Variants in USP47 observed in about 807,000 individuals in gnomAD.
USP47 encodes ubiquitin carboxyl-terminal hydrolase 47.
In USP47, 35 loss-of-function variants were observed where a neutral mutation model predicts 165.1. That is an observed-to-expected ratio of 0.21 (90% CI 0.16 to 0.28). USP47 has a LOEUF of 0.28. Among genes scored for constraint, USP47 ranks in the 10% least tolerant of loss-of-function variants. The pLI, the probability that USP47 is intolerant of heterozygous loss-of-function variation, is 1.00. For synonymous variants in USP47, 531 were observed against 544.5 expected (o/e 0.98, Z 0.35); for missense variants, 1,277 against 1,607.4 (o/e 0.79, Z 3.52).
chr11:11,902,369 C>T (rs1050842933), intron 5 of USP47, among the ~76,000 whole-genome samples: 4 of 152,088 alleles, frequency 2.6e-5, no homozygotes, highest in African/African-American at 7.2e-5. Context: ...TAGTATCTCA[C>T]GTAATAGTAT....
At chr11:11,924,711 TTTATCTGTG>T (rs1854106353) in intron 11 of USP47, among the ~76,000 whole-genome samples, 1 of 152,196 alleles carries the variant, frequency 6.6e-6, no homozygotes, top group African/African-American at 2.4e-5. Context: ...GTTGGTCTGT[TTTATCTGTG>T]TTATCAAACT....
At chr11:11,904,909 A>C (rs766495469) in intron 7 of USP47, among the ~76,000 whole-genome samples, 8 of 152,204 alleles carry the variant, frequency 5.3e-5, no homozygotes, top group Non-Finnish European at 1.0e-4. Flanking sequence ...GCTAGAGGAT[A>C]TGATTTATAC....
chr11:11,870,849 A>G lies in USP47; in HGVS notation c.40-9328A>G, dbSNP rs576426505. Among the ~76,000 whole-genome samples, 5 of 152,170 alleles carry G rather than the reference A, an allele frequency of 3.3e-5. No homozygotes were observed. The South Asian group carries it at 6.2e-4, about 19-fold the overall frequency. Reference sequence around the variant, plus strand: ...TTCATTCATCTACATCAGTGCTTACATTTGTTAATCCCATCCATGTTATTT... The same window carrying G: ...TTCATTCATCTACATCAGTGCTTACGTTTGTTAATCCCATCCATGTTATTT... On this transcript the variant is annotated intron_variant, in intron 1 of 27. Transcript: ENST00000527733.
At chr11:11,881,719 C>G (rs1850843808) in intron 2 of USP47, among the ~76,000 whole-genome samples, 1 of 151,938 alleles carries the variant, frequency 6.6e-6, no homozygotes, top group Non-Finnish European at 1.5e-5. Flanking sequence ...ATGTTTACTA[C>G]CAAAATAAAC....
intron 19 of USP47, 119 bp from the exon 20 acceptor site, chr11:11,942,216 A>C (rs910711483): frequency 8.5e-7 from 1 of 1,171,426 alleles, no homozygotes. Context: ...CAGAAACTAT[A>C]TCATCACACA....
intron 4 of USP47, among the ~76,000 whole-genome samples, chr11:11,893,117 A>G (rs1374110766): frequency 6.6e-6 from 1 of 152,184 alleles, no homozygotes; most frequent in Non-Finnish European, 1.5e-5. Flanking sequence ...TTATTGAGCA[A>G]GTAAAATGGC....
In USP47 at chr11:11,942,418, A is replaced by G; in HGVS notation, c.2397A>G (p.Ala799=). The G allele has an allele frequency of 1.9e-6, 3 of 1,613,578 alleles. No homozygotes were observed. Residue 799 remains alanine (A), a synonymous_variant, in exon 20 of 28, where the codon GCA becomes GCG. Coordinates refer to ENST00000527733, the MANE Select transcript of USP47 (RefSeq NM_001282659.2). The part of the protein sequence containing the change: ...SHLWKLLDRH[A]NTIRLFVLLP... ...TATGGAAACTCCTGGATCGGCATGC[A>G]AATACAATCAGATTATTTGTTTTGC...
At chr11:11,880,480 C>A in intron 2 of USP47, 100 bp downstream of exon 2, 2 of 943,106 alleles carry the variant, frequency 2.1e-6, no homozygotes, top group Non-Finnish European at 2.8e-6. Flanking sequence ...AAATCATAAA[C>A]AAAAGTATAA....
chr11:11,870,551 C>CT (rs1433170704), intron 1 of USP47, among the ~76,000 whole-genome samples: 10 of 152,174 alleles, frequency 6.6e-5, no homozygotes, highest in Middle Eastern at 3.4e-3. Context: ...GATGCAAATT[C>CT]TTTGAGTTTT....
intron 1 of USP47, among the ~76,000 whole-genome samples, chr11:11,855,568 C>CT (rs1479987383): frequency 6.6e-6 from 1 of 152,128 alleles, no homozygotes; most frequent in Non-Finnish European, 1.5e-5. Flanking sequence ...GAACTTAAAT[C>CT]TTTCTGTATA....
At chr11:11,898,317 AT>A (rs2134421161) in intron 5 of USP47, among the ~76,000 whole-genome samples, 1 of 152,180 alleles carries the variant, frequency 6.6e-6, no homozygotes, top group African/African-American at 2.4e-5. Flanking sequence ...TAAACACATA[AT>A]TTTTTAGTTT....
At chr11:11,937,420 C>T (rs1386504036) in intron 17 of USP47, among the ~76,000 whole-genome samples, 2 of 151,702 alleles carry the variant, frequency 1.3e-5, no homozygotes, top group Non-Finnish European at 2.9e-5. Context: ...TAAATGAAGG[C>T]CTCTGTTTAC....
intron 5 of USP47, among the ~76,000 whole-genome samples, chr11:11,898,226 C>T (rs1481793525): frequency 1.3e-5 from 2 of 151,518 alleles, no homozygotes; most frequent in African/African-American, 4.9e-5. Flanking sequence ...TTAAGTAAAC[C>T]CTGAAGTCAG....
intron 23 of USP47, 52 bp downstream of exon 23, chr11:11,950,056 T>G: frequency 7.5e-7 from 1 of 1,325,112 alleles, no homozygotes; most frequent in South Asian, 1.2e-5. Context: ...ATGTGGTCAG[T>G]TGAAATGGAC....
At chr11:11,875,235 G>T (rs1304150000) in intron 1 of USP47, among the ~76,000 whole-genome samples, 1 of 151,976 alleles carries the variant, frequency 6.6e-6, no homozygotes, top group African/African-American at 2.4e-5. Flanking sequence ...TTTAAATCTT[G>T]ATAATTTTGA....
intron 20 of USP47, among the ~76,000 whole-genome samples, chr11:11,947,717 A>G (rs1855935074): frequency 6.6e-6 from 1 of 152,220 alleles, no homozygotes; most frequent in Non-Finnish European, 1.5e-5. Context: ...AAACAAAGAA[A>G]CAAGCACTTA....
intron 8 of USP47, 81 bp downstream of exon 8, chr11:11,905,629 A>G: frequency 7.5e-7 from 1 of 1,330,778 alleles, no homozygotes; most frequent in Non-Finnish European, 1.0e-6. Flanking sequence ...TTGTAAGGTA[A>G]GTATCATCCT....
intron 1 of USP47, among the ~76,000 whole-genome samples, chr11:11,859,491 C>T (rs1302753631): frequency 1.3e-5 from 2 of 152,022 alleles, no homozygotes; most frequent in African/African-American, 4.8e-5. Flanking sequence ...TAAGGTTTGT[C>T]GCTAAATTAT....
rs1355466198 is a variant in USP47 at position 11,957,658 on chromosome 11, A to G, written c.*1483A>G. 1 of 152,622 alleles carries G rather than the reference A, an allele frequency of 6.6e-6. No homozygotes were observed. Among genetic ancestry groups the G allele is most frequent in the Non-Finnish European group, 1.5e-5 (1 of 68,022 alleles). 9.5% of individuals were successfully genotyped at this position (152,622 alleles called of 1,614,324 possible). On this transcript the variant is annotated 3_prime_UTR_variant, in exon 28 of 28. Coordinates refer to ENST00000527733, the MANE Select transcript of USP47 (RefSeq NM_001282659.2). ...AAGGTATATTTACAGTAAAGTTCTCATAAGAGAAATGAAAAGCTGTGTTAA... is the reference window on the plus strand; with the variant it reads ...AAGGTATATTTACAGTAAAGTTCTCGTAAGAGAAATGAAAAGCTGTGTTAA...
Sources: gnomAD v4.1 joint callset for allele counts (sites outside exome capture counted in the v4.1 genomes callset) on GRCh38, gnomAD v4.1.1 for gene constraint, MANE v1.5 for transcripts, NCBI Gene and HGNC (gene_info 2026-07-23, HGNC 2026-07-21) for gene names.